ASAP2: variants seen among roughly 807,000 people sequenced by gnomAD.
The protein encoded by ASAP2 is ArfGAP with SH3 domain, ankyrin repeat and PH domain 2.
ASAP2 carries 45 observed loss-of-function variants against 131.4 expected under a neutral mutation model. The ratio of observed to expected loss-of-function variants is 0.34; its 90% CI spans 0.27 to 0.44. ASAP2 has a LOEUF of 0.44. Among genes scored for constraint, ASAP2 ranks in the 20% least tolerant of loss-of-function variants. ASAP2 has a pLI of 1.00. For missense variants in ASAP2, 1,011 were observed against 1,297.0 expected (o/e 0.78, Z 3.39); for synonymous variants, 510 against 503.0 (o/e 1.01, Z -0.19).
In ASAP2 at chr2:9,264,195, A is replaced by T. The variant is rs79594362; in HGVS notation, c.127-15122A>T. On this transcript the variant is annotated intron_variant, in intron 1 of 27. Transcript: ENST00000281419. ...CAGTGAGTGAGACCCTGTCTCAAAA[A>T]AATAATAATAATAATAATAATAATA... 6.7e-3 allele frequency among the ~76,000 whole-genome samples: 952 copies of T among 142,014 alleles called. 19 individuals are homozygous for T. Among genetic ancestry groups the T allele is most frequent in the Non-Finnish European group, 9.4e-3 (620 of 65,986 alleles). 93.2% of individuals were successfully genotyped at this position (142,014 alleles called of 152,430 possible). A position where few individuals can be genotyped will look rare whatever the true frequency, so the allele number is the denominator to read the frequency against.
intron 14 of ASAP2, among the ~76,000 whole-genome samples, chr2:9,358,153 A>G (rs183810840): frequency 6.6e-6 from 1 of 152,204 alleles, no homozygotes; most frequent in African/African-American, 2.4e-5. Context: ...TCTCTGCCAT[A>G]TAGTGAGATA....
intron 24 of ASAP2, among the ~76,000 whole-genome samples, chr2:9,397,486 T>A (rs1676239551): frequency 6.6e-6 from 1 of 151,606 alleles, no homozygotes; most frequent in South Asian, 2.1e-4. Context: ...CCCAGTGGAG[T>A]TCTGACTGTA....
In ASAP2 at chr2:9,344,600, C is replaced by G; in HGVS notation, c.918C>G (p.Thr306=). 1 of 1,614,090 alleles carries G rather than the reference C, an allele frequency of 6.2e-7. No homozygotes were observed. Among genetic ancestry groups the G allele is most frequent in the South Asian group, 1.1e-5 (1 of 91,076 alleles). ...CTCAGGGAAACAAGGAACATGGGAC[C>G]GAGCGGAACGGCAGCCTCTACAAGA... The part of the protein sequence containing the change: ...HQPQGNKEHG[T]ERNGSLYKKS... Residue 306 remains threonine, a synonymous_variant, in exon 10 of 28, where the codon ACC becomes ACG. Coordinates refer to ENST00000281419, the MANE Select transcript of ASAP2 (RefSeq NM_003887.3).
intron 1 of ASAP2, among the ~76,000 whole-genome samples, chr2:9,231,593 C>T (rs1009607872): frequency 6.6e-5 from 10 of 152,202 alleles, no homozygotes; most frequent in Admixed American, 3.3e-4. Flanking sequence ...CCCTAGCCTG[C>T]GCCTGCCTGT....
chr2:9,395,923 TAGG>T (rs1676111371), intron 24 of ASAP2, among the ~76,000 whole-genome samples: 1 of 152,056 alleles, frequency 6.6e-6, no homozygotes, highest in African/African-American at 2.4e-5. Context: ...TGAAGTTTTT[TAGG>T]AGTAGAGAAA....
intron 2 of ASAP2, among the ~76,000 whole-genome samples, chr2:9,286,447 A>AAATATATATATATAT (rs58605449): frequency 9.0e-4 from 133 of 148,464 alleles, no homozygotes; most frequent in Middle Eastern, 3.5e-3. Flanking sequence ...GAAAAAAAAA[A>AAATATATATATATAT]ATATATATAT....
chr2:9,281,710 A>G lies in ASAP2; in HGVS notation c.199+2321A>G, dbSNP rs964416823. ...CAATTGGGATAAAGATGGTTCTCTTACCACAGATCCATCCAAAGATTTTAA... is the reference window on the plus strand; with the variant it reads ...CAATTGGGATAAAGATGGTTCTCTTGCCACAGATCCATCCAAAGATTTTAA... On this transcript the variant is annotated intron_variant, in intron 2 of 27. Transcript: ENST00000281419. The surrounding 1 kb of genome is among the most constrained non-coding windows in gnomAD (Gnocchi z 4.0). Among the ~76,000 whole-genome samples the G allele has an allele frequency of 6.6e-5, 10 of 152,282 alleles. No homozygotes were observed. The highest frequency in any genetic ancestry group is 2.4e-4 in the African/African-American group (10 of 41,562).
At chr2:9,242,560 T>C (rs1353782513) in intron 1 of ASAP2, among the ~76,000 whole-genome samples, 4 of 152,088 alleles carry the variant, frequency 2.6e-5, no homozygotes, top group Non-Finnish European at 5.9e-5. Flanking sequence ...TATTGGGCGG[T>C]GTGTGGGCTC....
chr2:9,342,506 T>G (rs1671657208), intron 9 of ASAP2, among the ~76,000 whole-genome samples: 1 of 152,208 alleles, frequency 6.6e-6, no homozygotes, highest in African/African-American at 2.4e-5. Flanking sequence ...CACAATTAAT[T>G]CAAAATGAGT....
In ASAP2 at chr2:9,393,628, CAGA is replaced by C. The variant is rs1675893307; in HGVS notation, c.2671_2673del (p.Lys891del). 1.3e-6 allele frequency: 2 copies of C among 1,582,882 alleles called. No homozygotes were observed. Among genetic ancestry groups the C allele is most frequent in the African/African-American group, 2.7e-5 (2 of 74,480 alleles). On this transcript the variant is annotated inframe_deletion, in exon 24 of 28. Transcript: ENST00000281419. ...CCCACAGCCGCCCAGCCGCCTCCCGCAGAAGAAGCCTGCGCCGGGGTAAGCCAC... is the reference window on the plus strand; with the variant it reads ...CCCACAGCCGCCCAGCCGCCTCCCGCAGAAGCCTGCGCCGGGGTAAGCCAC...
At chr2:9,355,397 G>A (rs1672630168) in intron 12 of ASAP2, among the ~76,000 whole-genome samples, 1 of 152,134 alleles carries the variant, frequency 6.6e-6, no homozygotes, top group Admixed American at 6.5e-5. Context: ...TGAGTGGATT[G>A]AGGTTATATG....
chr2:9,334,605 T>G (rs1671074585), intron 7 of ASAP2, 133 bp from the exon 8 acceptor site: 1 of 708,736 alleles, frequency 1.4e-6, no homozygotes. Context: ...TATTTTAAGG[T>G]TCTGTTCATA....
chr2:9,383,210 T>C (rs1168422790), intron 20 of ASAP2, among the ~76,000 whole-genome samples: 1 of 152,048 alleles, frequency 6.6e-6, no homozygotes, highest in Non-Finnish European at 1.5e-5. Flanking sequence ...TTAGGATATG[T>C]TATCTATAGG....
At chr2:9,396,426 A>C (rs562762052) in intron 24 of ASAP2, among the ~76,000 whole-genome samples, 1 of 152,024 alleles carries the variant, frequency 6.6e-6, no homozygotes, top group South Asian at 2.1e-4. Flanking sequence ...GGCACGCACC[A>C]CCATGCCCGG....
At chr2:9,270,623 G>A (rs1176409420) in intron 1 of ASAP2, among the ~76,000 whole-genome samples, 1 of 150,436 alleles carries the variant, frequency 6.6e-6, no homozygotes, top group African/African-American at 2.5e-5. Flanking sequence ...ATAAATTATT[G>A]TTGACCTTTG....
chr2:9,383,285 C>T (rs532645207), intron 20 of ASAP2, among the ~76,000 whole-genome samples: 6 of 152,028 alleles, frequency 3.9e-5, no homozygotes, highest in Non-Finnish European at 7.4e-5. Flanking sequence ...TAAAAAAAGA[C>T]AGTGTCTCTC....
rs1404188783 is a variant in ASAP2, at chr2:9,344,418, A to G, written c.850-114A>G. On this transcript the variant is annotated intron_variant, in intron 9 of 27. Coordinates refer to ENST00000281419, the MANE Select transcript of ASAP2 (RefSeq NM_003887.3). The stretch of plus-strand genomic sequence containing the variant: ...GTGTTGAGAAAGGGAAATTTCTCCA[A>G]TTTTTGTTGTTGTTAAAAAAAAAAC... The G allele has an allele frequency of 2.1e-5, 17 of 800,152 alleles. 1 individual carries two copies. Among genetic ancestry groups the G allele is most frequent in the Middle Eastern group, 4.6e-4 (2 of 4,302 alleles). 49.6% of individuals were successfully genotyped at this position (800,152 alleles called of 1,614,324 possible). A position where few individuals can be genotyped will look rare whatever the true frequency, so the allele number is the denominator to read the frequency against.
rs916016437 is a variant in ASAP2, at chr2:9,381,097, C to T, written c.2016+289C>T. 9.8e-5 allele frequency among the ~76,000 whole-genome samples: 15 copies of T among 152,300 alleles called. 1 individual carries two copies. Among genetic ancestry groups the T allele is most frequent in the Admixed American group, 4.6e-4 (7 of 15,308 alleles). On this transcript the variant is annotated intron_variant, in intron 20 of 27. Coordinates refer to ENST00000281419, the MANE Select transcript of ASAP2 (RefSeq NM_003887.3). ...TGGTGGGACAACTGGAACAGAGGCC[C>T]GAGGCCACCACAAGGGCCTGCTCTC...
At chr2:9,245,771 C>T (rs570199864) in intron 1 of ASAP2, among the ~76,000 whole-genome samples, 1 of 152,158 alleles carries the variant, frequency 6.6e-6, no homozygotes, top group South Asian at 2.1e-4. Flanking sequence ...GTCGGTTCGT[C>T]GTCTGCCTCC....
Sources: allele counts gnomAD v4.1 joint callset (sites outside exome capture counted in the v4.1 genomes callset), GRCh38; gene constraint gnomAD v4.1.1; non-coding constraint Gnocchi (gnomAD v3.1); transcripts MANE v1.5; gene names NCBI Gene and HGNC (gene_info 2026-07-23, HGNC 2026-07-21).